Variants in TMEM150C observed in about 807,000 individuals in gnomAD.
The protein encoded by TMEM150C is tentonin 3.
Under a neutral mutation model 29.9 loss-of-function variants are expected in TMEM150C, and 10 were observed. The observed-to-expected ratio is 0.33, with a 90% confidence interval of 0.21 to 0.57. The LOEUF (loss-of-function observed/expected upper bound fraction) is 0.57, where lower values mean the gene tolerates loss of function less well. TMEM150C is among the 20% of genes least tolerant of loss of function. TMEM150C has a pLI of 0.88. For missense variants in TMEM150C, 251 were observed against 303.6 expected (o/e 0.83, Z 1.29); for synonymous variants, 101 against 112.5 (o/e 0.90, Z 0.64).
At chr4:82,498,728 A>G (rs1488843754) in intron 5 of TMEM150C, among the ~76,000 whole-genome samples, 2 of 152,176 alleles carry the variant, frequency 1.3e-5, no homozygotes, top group Non-Finnish European at 2.9e-5. Context: ...TGACCCACCC[A>G]GTCAAAGAGT....
At chr4:82,528,681 C>T (rs1724737299) in intron 1 of TMEM150C, among the ~76,000 whole-genome samples, 1 of 150,982 alleles carries the variant, frequency 6.6e-6, no homozygotes, top group Non-Finnish European at 1.5e-5. Flanking sequence ...TCACTGCAAC[C>T]TCTGCCTCCT....
At chr4:82,545,889 C>T (rs9996526) in intron 1 of TMEM150C, among the ~76,000 whole-genome samples, 10,459 of 151,812 alleles carry the variant, frequency 0.069, 580 homozygotes, top group African/African-American at 0.15. Context: ...TGCACCATTG[C>T]GCTCCAGCCT....
intron 1 of TMEM150C, among the ~76,000 whole-genome samples, chr4:82,506,626 C>T (rs1029393283): frequency 9.9e-5 from 15 of 152,140 alleles, no homozygotes; most frequent in Admixed American, 6.6e-4. Context: ...TAACATTCTA[C>T]GCAATATATA....
chr4:82,508,468 T>C (rs1364868912), intron 1 of TMEM150C, among the ~76,000 whole-genome samples: 1 of 151,362 alleles, frequency 6.6e-6, no homozygotes, highest in Non-Finnish European at 1.5e-5. Context: ...TTCTGAATTG[T>C]GCTTTTTTTT....
intron 1 of TMEM150C, among the ~76,000 whole-genome samples, chr4:82,540,114 C>CTTCTTTTTT (rs1725150659): frequency 4.2e-5 from 2 of 47,256 alleles, no homozygotes; most frequent in Non-Finnish European, 5.2e-5. Context: ...TCTACCTATT[C>CTTCTTTTTT]TTTTTTTTTT....
At chr4:82,509,224 C>T (rs1724039107) in intron 1 of TMEM150C, among the ~76,000 whole-genome samples, 1 of 152,080 alleles carries the variant, frequency 6.6e-6, no homozygotes. Context: ...GATGAAAATC[C>T]CCACCTTCTA....
intron 1 of TMEM150C, among the ~76,000 whole-genome samples, chr4:82,526,287 C>G (rs1724649803): frequency 2.6e-5 from 4 of 152,150 alleles, no homozygotes. Context: ...TATTTGAATC[C>G]AAGGAAGCAA....
chr4:82,549,090 C>T (rs929867123), intron 1 of TMEM150C, among the ~76,000 whole-genome samples: 2 of 152,032 alleles, frequency 1.3e-5, no homozygotes, highest in Non-Finnish European at 2.9e-5. Flanking sequence ...AAAAAAAAAT[C>T]CCCAATTCAG....
At chr4:82,492,862 GTGTATATATATATATATATATATATA>G (rs955287007) in intron 6 of TMEM150C, among the ~76,000 whole-genome samples, 1 of 52,800 alleles carries the variant, frequency 1.9e-5, no homozygotes, top group Non-Finnish European at 3.2e-5. Flanking sequence ...GTATATGTTT[GTGTATATATATATATATATATATATA>G]TATATATATA....
chr4:82,490,304 A>C, intron 6 of TMEM150C, 66 bp from the exon 7 acceptor site: 1 of 1,403,976 alleles, frequency 7.1e-7, no homozygotes, highest in Non-Finnish European at 1.0e-6. Context: ...AAGTTGAAGG[A>C]ATGAATATAT....
intron 1 of TMEM150C, among the ~76,000 whole-genome samples, chr4:82,514,814 A>G (rs201348671): frequency 9.9e-5 from 15 of 152,100 alleles, no homozygotes; most frequent in East Asian, 9.6e-4. Context: ...GGAAGACAGG[A>G]GCTATGCTGC....
intron 1 of TMEM150C, among the ~76,000 whole-genome samples, chr4:82,558,784 A>G (rs1197724574): frequency 6.6e-6 from 1 of 152,258 alleles, no homozygotes; most frequent in Non-Finnish European, 1.5e-5. Context: ...ATTTATAGTT[A>G]AAATAAGTAG....
At chr4:82,552,699 T>C (rs1725620494) in intron 1 of TMEM150C, among the ~76,000 whole-genome samples, 1 of 152,158 alleles carries the variant, frequency 6.6e-6, no homozygotes, top group Non-Finnish European at 1.5e-5. Flanking sequence ...ATTTAATAGA[T>C]TTGGGGTGCC....
chr4:82,532,653 G>A (rs1225420865), intron 1 of TMEM150C, among the ~76,000 whole-genome samples: 1 of 151,696 alleles, frequency 6.6e-6, no homozygotes, highest in African/African-American at 2.4e-5. Context: ...TATATACATA[G>A]AACTTTAAGT....
At chr4:82,562,061 CG>C, upstream of TMEM150C, 1 of 1,153,278 alleles carries the variant, frequency 8.7e-7, no homozygotes. Context: ...CGCCGGGGCC[CG>C]CCCCCGACTT....
chr4:82,547,526 T>C (rs1725426795), intron 1 of TMEM150C, among the ~76,000 whole-genome samples: 1 of 151,764 alleles, frequency 6.6e-6, no homozygotes, highest in Admixed American at 6.6e-5. Context: ...GAGGCGGAGG[T>C]TGCAGGGAGC....
chr4:82,491,150 T>C, intron 6 of TMEM150C: 1 of 702,550 alleles, frequency 1.4e-6, no homozygotes, highest in East Asian at 2.6e-5. Context: ...CCACATCGTG[T>C]GCAATCACCA....
chr4:82,547,237 A>T (rs1213369684), intron 1 of TMEM150C, among the ~76,000 whole-genome samples: 1 of 152,108 alleles, frequency 6.6e-6, no homozygotes, highest in Non-Finnish European at 1.5e-5. Flanking sequence ...AGCAAAAGAC[A>T]TGAACACACA....
chr4:82,486,784 A>T (rs1180881525), intron 7 of TMEM150C, among the ~76,000 whole-genome samples: 1 of 151,878 alleles, frequency 6.6e-6, no homozygotes, highest in African/African-American at 2.4e-5. Flanking sequence ...TTATGCCTGG[A>T]TATATATATG....
Sources: allele counts gnomAD v4.1 joint callset (sites outside exome capture counted in the v4.1 genomes callset), GRCh38; gene constraint gnomAD v4.1.1; transcripts MANE v1.5; gene names NCBI Gene and HGNC (gene_info 2026-07-23, HGNC 2026-07-21).